Variants in NCF4 observed in about 807,000 individuals in gnomAD.
NCF4 encodes neutrophil cytosol factor 4.
NCF4 carries 30 observed loss-of-function variants against 41.7 expected under a neutral mutation model. The ratio of observed to expected loss-of-function variants is 0.72; its 90% CI spans 0.54 to 0.97. The LOEUF (loss-of-function observed/expected upper bound fraction) is 0.97, where lower values mean the gene tolerates loss of function less well. Ranked by LOEUF, NCF4 falls within the 50% of genes least tolerant of loss-of-function variation. The pLI is 0.00. For synonymous variants in NCF4, 195 were observed against 175.8 expected (o/e 1.11, Z -0.87); for missense variants, 432 against 460.9 (o/e 0.94, Z 0.57).
chr22:36,873,813 C>T (rs1224838283), intron 7 of NCF4, among the ~76,000 whole-genome samples: 5 of 151,958 alleles, frequency 3.3e-5, no homozygotes, highest in Non-Finnish European at 7.4e-5. Flanking sequence ...TGCTAAATTG[C>T]ACCAATCACA....
chr22:36,861,039 A>T lies in NCF4; in HGVS notation c.-133A>T. 8.2e-7 allele frequency: 1 copy of T among 1,220,406 alleles called. No homozygotes were observed. The highest frequency in any genetic ancestry group is 1.2e-6 in the Non-Finnish European group (1 of 846,806). The allele number at this position is 1,220,406 out of a possible 1,614,324, so 75.6% of individuals were successfully genotyped here. Reference sequence around the variant, plus strand: ...GAGAAGCAGGCCTGAGCCTCCCCAAAGGCAGCTCCTGGGGACTCCCAGGAC... The same window carrying T: ...GAGAAGCAGGCCTGAGCCTCCCCAATGGCAGCTCCTGGGGACTCCCAGGAC... On this transcript the variant is annotated 5_prime_UTR_variant, in exon 1 of 10. It adds an upstream start codon to the 5' untranslated region. Coordinates refer to ENST00000248899, the MANE Select transcript of NCF4 (RefSeq NM_000631.5).
chr22:36,872,791 ATGGAGATTGAGGG>A (rs1163699990), intron 7 of NCF4, among the ~76,000 whole-genome samples: 8 of 75,760 alleles, frequency 1.1e-4, no homozygotes, highest in African/African-American at 4.2e-4. Flanking sequence ...GAAGGTGAGG[ATGGAGATTGAGGG>A]TGGAGATGAG....
chr22:36,864,102 G>A lies in NCF4; in HGVS notation c.90G>A (p.Glu30=), dbSNP rs200822582. The change falls in exon 2 of 10, where the codon GAG becomes GAA. Residue 30 remains glutamate, a synonymous_variant. Transcript: ENST00000248899. ...TCTCGGCCAACATTGCTGACATCGAGGAGAAGAGAGGCTTCACCAGCCACT... is the reference window on the plus strand; with the variant it reads ...TCTCGGCCAACATTGCTGACATCGAAGAGAAGAGAGGCTTCACCAGCCACT... ...VAISANIADI[E]EKRGFTSHFV... The A allele has an allele frequency of 6.3e-5, 102 of 1,613,970 alleles. 1 individual carries two copies. The South Asian group carries it at 7.6e-4, about 12-fold the overall frequency.
chr22:36,872,353 C>T lies in NCF4; in HGVS notation c.555C>T (p.Ser185=). The T allele has an allele frequency of 6.2e-7, 1 of 1,612,934 alleles. No individual in the cohort carries two copies. The highest frequency in any genetic ancestry group is 8.5e-7 in the Non-Finnish European group (1 of 1,178,816). The part of the protein sequence containing the change: ...AEALFDFTGN[S]KLELNFKAGD... ...CTCTATTTGACTTCACTGGAAACAG[C>T]AAACTGGAGCTGAATTTCAAAGCTG... The change falls in exon 7 of 10, where the codon AGC becomes AGT. Residue 185 remains serine (S), a synonymous_variant. Coordinates refer to ENST00000248899, the MANE Select transcript of NCF4 (RefSeq NM_000631.5).
intron 4 of NCF4, among the ~76,000 whole-genome samples, chr22:36,868,720 C>A (rs1415777521): frequency 2.0e-5 from 3 of 152,134 alleles, no homozygotes; most frequent in South Asian, 2.1e-4. Context: ...GGAACTGGGG[C>A]TCCTCATTCC....
chr22:36,877,143 C>CTT (rs796935697), intron 9 of NCF4, among the ~76,000 whole-genome samples: 8 of 147,238 alleles, frequency 5.4e-5, no homozygotes, highest in African/African-American at 2.0e-4. Context: ...TCTCCTTCTC[C>CTT]TTTTTTTTTT....
intron 4 of NCF4, 64 bp from the exon 5 acceptor site, chr22:36,870,351 T>C: frequency 1.2e-6 from 2 of 1,610,400 alleles, no homozygotes; most frequent in Non-Finnish European, 1.7e-6. Flanking sequence ...ACGGGACATC[T>C]AGGCTGGGGT....
At position 36,865,204 on chromosome 22, in the gene NCF4, G is replaced by C. The variant is rs117963363; in HGVS notation, c.271+132G>C. The C allele has an allele frequency of 1.5e-6, 2 of 1,330,312 alleles. No homozygotes were observed. The highest frequency in any genetic ancestry group is 2.9e-5 in the African/African-American group (2 of 68,790). The allele number at this position is 1,330,312 out of a possible 1,614,324, so 82.4% of individuals were successfully genotyped here. On this transcript the variant is annotated intron_variant, in intron 3 of 9. Coordinates refer to ENST00000248899, the MANE Select transcript of NCF4 (RefSeq NM_000631.5). This position sits in a 1 kb window ranked among gnomAD's most constrained non-coding sequence, Gnocchi z 4.3. ...CATGTAGTTTATAGCCCCCACTCCCGGCAGTTACAGGCTGCCAAGCCCTCC... is the reference window on the plus strand; with the variant it reads ...CATGTAGTTTATAGCCCCCACTCCCCGCAGTTACAGGCTGCCAAGCCCTCC...
intron 1 of NCF4, among the ~76,000 whole-genome samples, chr22:36,862,017 C>A (rs1024390127): frequency 2.0e-5 from 3 of 152,214 alleles, no homozygotes; most frequent in Non-Finnish European, 4.4e-5. Context: ...GAGTGACTGG[C>A]AAGGTTGGGG....
At chr22:36,870,618 AAGGAG>A in intron 5 of NCF4, 76 bp downstream of exon 5, 1 of 1,558,304 alleles carries the variant, frequency 6.4e-7, no homozygotes, top group South Asian at 1.1e-5. Context: ...TTTTCCCTGA[AAGGAG>A]AGAAGGAAAA....
At chr22:36,867,966 C>CTGGATTTTAGCTACACTCATGGGTCT (rs1312439226) in intron 4 of NCF4, among the ~76,000 whole-genome samples, 1 of 152,216 alleles carries the variant, frequency 6.6e-6, no homozygotes, top group African/African-American at 2.4e-5. Context: ...TGAACATGGG[C>CTGGATTTTAGCTACACTCATGGGTCT]TGGATTTTAG....
chr22:36,876,242 A>G (rs1940191785), intron 9 of NCF4, 148 bp downstream of exon 9: 2 of 822,592 alleles, frequency 2.4e-6, no homozygotes. Context: ...CAGGTTAGGC[A>G]GCATCTCCCC....
intron 4 of NCF4, 78 bp from the exon 5 acceptor site, chr22:36,870,337 G>A (rs752523245): frequency 1.2e-4 from 190 of 1,598,724 alleles, no homozygotes; most frequent in Non-Finnish European, 1.6e-4. Flanking sequence ...GTCAGGGCTC[G>A]GGGACGGGAC....
chr22:36,861,216 G>T lies in NCF4; in HGVS notation c.32+13G>T, dbSNP rs1939767771. The T allele has an allele frequency of 1.3e-6, 2 of 1,551,358 alleles. No individual in the cohort carries two copies. The highest frequency in any genetic ancestry group is 1.4e-5 in the African/African-American group (1 of 73,050). ...TGCGGGCCGAGAGGTGAGTGCCGGG[G>T]TGTGGCCGCCCCCGGGCCTTCTCAC... is the stretch of plus-strand genomic sequence containing the variant. On this transcript the variant is annotated intron_variant, in intron 1 of 9. Coordinates refer to ENST00000248899, the MANE Select transcript of NCF4 (RefSeq NM_000631.5).
chr22:36,872,299 T>C (rs1202816679), intron 6 of NCF4, 28 bp from the exon 7 acceptor site: 2 of 1,505,430 alleles, frequency 1.3e-6, no homozygotes, highest in African/African-American at 1.4e-5. Flanking sequence ...GTTCTCTCCT[T>C]CCCTCCTTAC....
At position 36,864,045 on chromosome 22, in the gene NCF4, T is replaced by C. The variant is rs2145702589; in HGVS notation, c.33T>C (p.Ser11=). The change falls in exon 2 of 10, where the codon AGT becomes AGC. Residue 11 remains serine, a splice_region_variant and synonymous_variant. Coordinates refer to ENST00000248899, the MANE Select transcript of NCF4 (RefSeq NM_000631.5). MAVAQQLRAE[S]DFEQLPDDVA... is the part of the protein sequence containing the mutation. ...ATCTCTTTTCCCCTCCTTCGCACAG[T>C]GACTTTGAACAGCTTCCGGATGATG... The C allele has an allele frequency of 1.2e-6, 2 of 1,613,988 alleles. No individual in the cohort carries two copies. Among genetic ancestry groups the C allele is most frequent in the Non-Finnish European group, 1.7e-6 (2 of 1,179,876 alleles).
Position 36,864,113 on chromosome 22 carries a change from G to A in NCF4, c.101G>A (p.Gly34Asp), listed in dbSNP as rs766859628. Residue 34 changes from glycine to aspartate, a missense_variant, in exon 2 of 10, where the codon GGC (glycine) becomes GAC (aspartate). Gly to Asp is a moderately conservative substitution (Grantham distance 94). Coordinates refer to ENST00000248899, the MANE Select transcript of NCF4 (RefSeq NM_000631.5). ...ANIADIEEKR[G>D]FTSHFVFVIE... Reference sequence around the variant, plus strand: ...ATTGCTGACATCGAGGAGAAGAGAGGCTTCACCAGCCACTTTGTAAGACAG... The same window carrying A: ...ATTGCTGACATCGAGGAGAAGAGAGACTTCACCAGCCACTTTGTAAGACAG... The A allele has an allele frequency of 1.2e-6, 2 of 1,613,402 alleles. No homozygotes were observed. Among genetic ancestry groups the A allele is most frequent in the Admixed American group, 1.7e-5 (1 of 60,012 alleles).
chr22:36,868,254 G>A (rs547613009), intron 4 of NCF4, among the ~76,000 whole-genome samples: 6 of 152,340 alleles, frequency 3.9e-5, no homozygotes, highest in Admixed American at 6.5e-5. Context: ...GCTGGAGAGC[G>A]CTGGGCTAGG....
At chr22:36,875,977 A>C (rs2145727356) in intron 8 of NCF4, 52 bp from the exon 9 acceptor site, 1 of 1,608,300 alleles carries the variant, frequency 6.2e-7, no homozygotes, top group Admixed American at 1.7e-5. Context: ...CCCCCACCCC[A>C]CACCCCACTT....
Sources: gnomAD v4.1 joint callset for allele counts (sites outside exome capture counted in the v4.1 genomes callset) on GRCh38, gnomAD v4.1.1 for gene constraint, Gnocchi (gnomAD v3.1) non-coding constraint, MANE v1.5 for transcripts, NCBI Gene and HGNC (gene_info 2026-07-23, HGNC 2026-07-21) for gene names.